The following TMEM181 variants were observed in gnomAD, a reference collection of about 807,000 sequenced individuals.
The protein encoded by TMEM181 is G protein-coupled receptor 178.
A neutral mutation model predicts 71.9 loss-of-function variants in TMEM181; 39 were observed. The ratio of observed to expected loss-of-function variants is 0.54; its 90% confidence interval spans 0.42 to 0.71. TMEM181 has a LOEUF of 0.71. Ranked by LOEUF, TMEM181 falls within the 30% of genes least tolerant of loss-of-function variation. The probability of loss-of-function intolerance (pLI) is 0.00; values close to 1 mark genes in which losing one functional copy is unlikely to be tolerated. For synonymous variants in TMEM181, 245 were observed against 228.8 expected (o/e 1.07, Z -0.64); for missense variants, 595 against 583.0 (o/e 1.02, Z -0.21).
In TMEM181 at chr6:158,597,948, A is replaced by G. The variant is rs866815197; in HGVS notation, c.493-7319A>G. Among the ~76,000 whole-genome samples the G allele has an allele frequency of 8.6e-5, 13 of 152,038 alleles. No homozygotes were observed. In the South Asian group the frequency reaches 1.5e-3, roughly 17 times the overall value. ...TGAAATTTGGAGGGGACAGATTCCA[A>G]CTGTAGCAAGTGGTGCTCCTTCTCT... On this transcript the variant is annotated intron_variant, in intron 6 of 16. Transcript: ENST00000684151.
chr6:158,601,579 T>G (rs1784672662), intron 6 of TMEM181, among the ~76,000 whole-genome samples: 1 of 151,896 alleles, frequency 6.6e-6, no homozygotes, highest in South Asian at 2.1e-4. Flanking sequence ...GCCAATATGA[T>G]GAAGCCCCGT....
At chr6:158,542,298 T>C (rs1370979573) in intron 1 of TMEM181, among the ~76,000 whole-genome samples, 1 of 152,232 alleles carries the variant, frequency 6.6e-6, no homozygotes, top group Non-Finnish European at 1.5e-5. Context: ...TGGACATCTC[T>C]TGAATTATAT....
chr6:158,551,296 C>T (rs536803940), intron 1 of TMEM181, among the ~76,000 whole-genome samples: 21 of 152,188 alleles, frequency 1.4e-4, no homozygotes, highest in Admixed American at 3.3e-4. Flanking sequence ...TTTTGTTCTG[C>T]TTGATCTGAA....
At chr6:158,558,581 C>T (rs533863618), upstream of TMEM181, among the ~76,000 whole-genome samples, 1 of 152,190 alleles carries the variant, frequency 6.6e-6, no homozygotes, top group Non-Finnish European at 1.5e-5. Context: ...AATCAGCTAA[C>T]CACCTGCCAA....
In TMEM181 at chr6:158,635,074, T is replaced by TC. The variant is rs1786880286; in HGVS notation, c.*3186_*3187insC. 1 of 151,394 alleles carries TC rather than the reference T, an allele frequency of 6.6e-6. No homozygotes were observed. The highest frequency in any genetic ancestry group is 1.5e-5 in the Non-Finnish European group (1 of 67,910). 9.4% of individuals were successfully genotyped at this position (151,394 alleles called of 1,614,324 possible). A position where few individuals can be genotyped will look rare whatever the true frequency, so the allele number is the denominator to read the frequency against. On this transcript the variant is annotated 3_prime_UTR_variant, in exon 17 of 17. Coordinates refer to ENST00000684151, the MANE Select transcript of TMEM181 (RefSeq NM_001376852.1). Reference sequence around the variant, plus strand: ...ATCTTTTCCCCTGGCCAAAGGGAAGTTGTATTAGTCTGTGACATCTTGTGA... The same window carrying TC: ...ATCTTTTCCCCTGGCCAAAGGGAAGTCTGTATTAGTCTGTGACATCTTGTGA...
upstream of TMEM181, chr6:158,560,031 G>C (rs1782062759): frequency 2.0e-6 from 2 of 984,810 alleles, no homozygotes; most frequent in Admixed American, 1.2e-4. Flanking sequence ...CCACCGCGCC[G>C]CGCCCTCTTC....
At chr6:158,627,434 C>T (rs1354630592) in intron 13 of TMEM181, among the ~76,000 whole-genome samples, 1 of 152,236 alleles carries the variant, frequency 6.6e-6, no homozygotes, top group East Asian at 1.9e-4. Context: ...CAACTAAATA[C>T]ATTCCCCCTG....
chr6:158,591,784 A>G (rs535838424), intron 6 of TMEM181, among the ~76,000 whole-genome samples: 3 of 152,088 alleles, frequency 2.0e-5, no homozygotes, highest in Non-Finnish European at 4.4e-5. Context: ...CAGAAGCTGT[A>G]GTTCATCCTG....
At chr6:158,625,079 C>A in intron 11 of TMEM181, 25 bp from the exon 12 acceptor site, 1 of 1,588,112 alleles carries the variant, frequency 6.3e-7, no homozygotes, top group Non-Finnish European at 8.6e-7. Context: ...TGTTCCGACT[C>A]AAGTGCTGCC....
intron 6 of TMEM181, among the ~76,000 whole-genome samples, chr6:158,593,117 G>C (rs1784201457): frequency 6.6e-6 from 1 of 152,126 alleles, no homozygotes; most frequent in Non-Finnish European, 1.5e-5. Context: ...TTTATACTCA[G>C]GAAGTAGAAA....
chr6:158,630,116 T>C (rs1451891628), intron 15 of TMEM181, among the ~76,000 whole-genome samples: 2 of 152,230 alleles, frequency 1.3e-5, no homozygotes, highest in Non-Finnish European at 2.9e-5. Flanking sequence ...GCAAAAGCAA[T>C]GCACATTCAG....
At chr6:158,551,713 A>G (rs1271926056) in intron 1 of TMEM181, among the ~76,000 whole-genome samples, 2 of 152,206 alleles carry the variant, frequency 1.3e-5, no homozygotes, top group Admixed American at 6.5e-5. Context: ...TTTAAAGTAG[A>G]TTTAACATAA....
At chr6:158,609,916 C>A (rs1785194645) in intron 10 of TMEM181, 1 of 232,942 alleles carries the variant, frequency 4.3e-6, no homozygotes, top group South Asian at 7.7e-5. Context: ...TCAGCACTTC[C>A]CGGGCTTCTC....
At chr6:158,581,780 A>T (rs1291179540) in intron 3 of TMEM181, among the ~76,000 whole-genome samples, 1 of 142,496 alleles carries the variant, frequency 7.0e-6, no homozygotes, top group Non-Finnish European at 1.5e-5. Flanking sequence ...AAAAAGCCTT[A>T]ACTTTTTTAC....
intron 13 of TMEM181, among the ~76,000 whole-genome samples, chr6:158,627,237 C>T (rs1163580317): frequency 5.3e-5 from 8 of 152,184 alleles, no homozygotes; most frequent in Non-Finnish European, 1.5e-5. Context: ...ACCTAGTCCC[C>T]AAGTTGGGAG....
chr6:158,589,396 G>A (rs1316604256), intron 5 of TMEM181, among the ~76,000 whole-genome samples: 4 of 152,186 alleles, frequency 2.6e-5, no homozygotes, highest in Admixed American at 1.3e-4. Flanking sequence ...GCGTTGCACT[G>A]TTAACTTTCT....
intron 4 of TMEM181, among the ~76,000 whole-genome samples, chr6:158,584,905 T>A (rs1000096705): frequency 4.6e-5 from 7 of 152,220 alleles, no homozygotes; most frequent in South Asian, 2.1e-4. Flanking sequence ...ATGATTTTTT[T>A]AAAATGAGAA....
At chr6:158,607,208 C>T in intron 7 of TMEM181, 36 bp from the exon 8 acceptor site, 1 of 1,569,138 alleles carries the variant, frequency 6.4e-7, no homozygotes. Flanking sequence ...AAGGTGTGAG[C>T]AAAGGCAGTA....
At chr6:158,564,888 G>A (rs1213225258) in intron 1 of TMEM181, among the ~76,000 whole-genome samples, 1 of 152,210 alleles carries the variant, frequency 6.6e-6, no homozygotes, top group Non-Finnish European at 1.5e-5. Flanking sequence ...TAAAGTCCCC[G>A]ACTACTGCTC....
Sources: gnomAD v4.1 joint callset for allele counts (sites outside exome capture counted in the v4.1 genomes callset) on GRCh38, gnomAD v4.1.1 for gene constraint, MANE v1.5 for transcripts, NCBI Gene and HGNC (gene_info 2026-07-23, HGNC 2026-07-21) for gene names.